Variants in DCUN1D4 observed in about 807,000 individuals in gnomAD.
DCUN1D4 encodes the protein DCN1-like protein 4.
Under a neutral mutation model 47.9 loss-of-function variants are expected in DCUN1D4, and 22 were observed. That is an observed-to-expected ratio of 0.46 (90% CI 0.33 to 0.66). The LOEUF is 0.66. DCUN1D4 is among the 30% of genes least tolerant of loss of function. The pLI is 0.02. For synonymous variants in DCUN1D4, 121 were observed against 112.2 expected, an observed-to-expected ratio of 1.08 and a Z score of -0.50; for missense variants, 301 against 340.8, an observed-to-expected ratio of 0.88 and a Z score of 0.92.
At chr4:51,838,222 T>A (rs1190779641), upstream of DCUN1D4, among the ~76,000 whole-genome samples, 1 of 152,090 alleles carries the variant, frequency 6.6e-6, no homozygotes, top group Non-Finnish European at 1.5e-5. Flanking sequence ...GAATAAATAA[T>A]CTCATTTGCT....
In DCUN1D4 at chr4:51,843,260, C is replaced by A; in HGVS notation, c.18C>A (p.Ala6=). The A allele has an allele frequency of 1.3e-6, 2 of 1,541,610 alleles. No homozygotes were observed. Among genetic ancestry groups the A allele is most frequent in the Non-Finnish European group, 1.7e-6 (2 of 1,143,758 alleles). ...GCCTGAAAATGCACTCGGATGCCGC[C>A]GCTGTCAGTGAGTAGCAGAGAGCCA... The part of the protein sequence containing the change: MHSDA[A]AVNFQLNSHL... The change falls in exon 1 of 11, where the codon GCC becomes GCA. Residue 6 remains alanine, a synonymous_variant. Coordinates refer to ENST00000334635, the MANE Select transcript of DCUN1D4 (RefSeq NM_001040402.3).
chr4:51,869,676 A>G (rs930508440), intron 3 of DCUN1D4, among the ~76,000 whole-genome samples: 1 of 152,316 alleles, frequency 6.6e-6, no homozygotes, highest in Middle Eastern at 3.4e-3. Flanking sequence ...TAATTAAATT[A>G]TTATGAAAAT....
chr4:51,864,842 G>A (rs766540930), intron 3 of DCUN1D4, among the ~76,000 whole-genome samples: 5 of 152,162 alleles, frequency 3.3e-5, no homozygotes, highest in Non-Finnish European at 7.3e-5. Context: ...ATTTTGAATA[G>A]CACAAAAGTA....
At chr4:51,861,267 G>C (rs929104526) in intron 1 of DCUN1D4, among the ~76,000 whole-genome samples, 1 of 152,094 alleles carries the variant, frequency 6.6e-6, no homozygotes, top group African/African-American at 2.4e-5. Flanking sequence ...GTGTGTGTGT[G>C]CAAGTGTGTG....
Position 51,863,050 on chromosome 4 carries a change from G to A in DCUN1D4, c.26-387G>A, listed in dbSNP as rs1407579425. Among the ~76,000 whole-genome samples, 6 of 152,106 alleles carry A rather than the reference G, an allele frequency of 3.9e-5. No homozygotes were observed. In the East Asian group the frequency reaches 9.6e-4, roughly 24 times the overall value. Reference sequence around the variant, plus strand: ...AAAAAATAAATACTAATGTTGGGATGCTTTTCTATCATTTTCTTGCCATGA... The same window carrying A: ...AAAAAATAAATACTAATGTTGGGATACTTTTCTATCATTTTCTTGCCATGA... On this transcript the variant is annotated intron_variant, in intron 1 of 10. Coordinates refer to ENST00000334635, the MANE Select transcript of DCUN1D4 (RefSeq NM_001040402.3).
chr4:51,855,801 T>G (rs1724049211), intron 1 of DCUN1D4, among the ~76,000 whole-genome samples: 1 of 152,246 alleles, frequency 6.6e-6, no homozygotes, highest in Non-Finnish European at 1.5e-5. Context: ...AATGGGTCTC[T>G]GCTCCACATC....
intron 5 of DCUN1D4, chr4:51,884,289 C>G (rs1729125143): frequency 6.6e-6 from 1 of 152,102 alleles, no homozygotes; most frequent in Non-Finnish European, 1.5e-5. Flanking sequence ...AGTGTTCCTC[C>G]TTTGTTAAGA....
intron 8 of DCUN1D4, among the ~76,000 whole-genome samples, chr4:51,904,650 G>T (rs1326250285): frequency 2.0e-5 from 3 of 152,028 alleles, no homozygotes; most frequent in Admixed American, 6.6e-5. Context: ...TTTTTCTTGG[G>T]GATCACAGTC....
rs557754859 is a variant in DCUN1D4 at position 51,843,216 on chromosome 4, G to C, written c.-27G>C. ...GCGAGGCGAGCGCGGGAGCCTGGGCGGCGAGCCGGGTGTGAGCTGCCTGAA... is the reference window on the plus strand; with the variant it reads ...GCGAGGCGAGCGCGGGAGCCTGGGCCGCGAGCCGGGTGTGAGCTGCCTGAA... On this transcript the variant is annotated 5_prime_UTR_variant, in exon 1 of 11. Coordinates refer to ENST00000334635, the MANE Select transcript of DCUN1D4 (RefSeq NM_001040402.3). The C allele has an allele frequency of 4.8e-5, 74 of 1,540,436 alleles. No individual in the cohort carries two copies. In the South Asian group the frequency reaches 8.4e-4, roughly 18 times the overall value.
intron 7 of DCUN1D4, 149 bp from the exon 8 acceptor site, chr4:51,899,121 T>G: frequency 4.5e-6 from 6 of 1,336,056 alleles, no homozygotes; most frequent in Non-Finnish European, 5.8e-6. Context: ...ATTTAAAATT[T>G]TTTTTAAGTG....
chr4:51,912,534 A>G (rs918498208), intron 9 of DCUN1D4, among the ~76,000 whole-genome samples: 1 of 152,114 alleles, frequency 6.6e-6, no homozygotes, highest in African/African-American at 2.4e-5. Flanking sequence ...TTGTTTTACT[A>G]TGTTTCTGAT....
chr4:51,908,409 C>G (rs1004712342), intron 8 of DCUN1D4, among the ~76,000 whole-genome samples: 1 of 152,110 alleles, frequency 6.6e-6, no homozygotes, highest in Non-Finnish European at 1.5e-5. Context: ...CTGGTTGGCT[C>G]TTGGCAGGCT....
At chr4:51,908,815 A>G (rs964522364) in intron 8 of DCUN1D4, 1 of 446,224 alleles carries the variant, frequency 2.2e-6, no homozygotes, top group African/African-American at 2.0e-5. Context: ...AGTCATGGTC[A>G]TTTGCACATA....
chr4:51,860,829 T>C (rs1476289900), intron 1 of DCUN1D4, among the ~76,000 whole-genome samples: 1 of 152,032 alleles, frequency 6.6e-6, no homozygotes, highest in Non-Finnish European at 1.5e-5. Flanking sequence ...AAGACTTAGG[T>C]GGGGACATAT....
chr4:51,872,582 A>G (rs917165774), intron 3 of DCUN1D4, among the ~76,000 whole-genome samples: 1 of 151,740 alleles, frequency 6.6e-6, no homozygotes, highest in Admixed American at 6.6e-5. Context: ...AGGACATGAC[A>G]CTCTCCTGGA....
At chr4:51,843,952 G>C (rs1010151722) in intron 1 of DCUN1D4, among the ~76,000 whole-genome samples, 5 of 150,822 alleles carry the variant, frequency 3.3e-5, no homozygotes, top group Non-Finnish European at 7.4e-5. Context: ...GAGTCCTGCG[G>C]GGCGGGAGGG....
At chr4:51,913,175 A>G in intron 9 of DCUN1D4, 115 bp from the exon 10 acceptor site, 1 of 623,818 alleles carries the variant, frequency 1.6e-6, no homozygotes, top group South Asian at 2.8e-5. Flanking sequence ...ACAAACCTCA[A>G]ACAGAAAGAG....
intron 1 of DCUN1D4, among the ~76,000 whole-genome samples, chr4:51,853,831 T>TC (rs1214414953): frequency 4.6e-5 from 7 of 152,238 alleles, no homozygotes; most frequent in African/African-American, 1.4e-4. Flanking sequence ...ATGCAGCAGC[T>TC]CCCCCATGGG....
intron 1 of DCUN1D4, among the ~76,000 whole-genome samples, chr4:51,850,485 C>G (rs1723208046): frequency 6.6e-6 from 1 of 152,134 alleles, no homozygotes; most frequent in African/African-American, 2.4e-5. Flanking sequence ...CATCTCCTAG[C>G]CAAGGGACTG....
Sources: gnomAD v4.1 joint callset for allele counts (sites outside exome capture counted in the v4.1 genomes callset) on GRCh38, gnomAD v4.1.1 for gene constraint, MANE v1.5 for transcripts, NCBI Gene and HGNC (gene_info 2026-07-23, HGNC 2026-07-21) for gene names.